ERCC6L2: variants seen among roughly 807,000 people sequenced by gnomAD.
The protein encoded by ERCC6L2 is ERCC excision repair 6 like 2.
Under a neutral mutation model 132.0 loss-of-function variants are expected in ERCC6L2, and 77 were observed. That is an observed-to-expected ratio of 0.58 (90% CI 0.49 to 0.71). The LOEUF (loss-of-function observed/expected upper bound fraction) is 0.71. Ranked by LOEUF, ERCC6L2 falls within the 30% of genes least tolerant of loss-of-function variation. ERCC6L2 has a pLI of 0.00. For synonymous variants in ERCC6L2, 583 were observed against 632.4 expected, an observed-to-expected ratio of 0.92 and a Z score of 1.17; for missense variants, 1,542 against 1,837.6, an observed-to-expected ratio of 0.84 and a Z score of 2.94.
At chr9:95,967,695 T>C (rs374238723) in intron 14 of ERCC6L2, 1 of 152,228 alleles carries the variant, frequency 6.6e-6, no homozygotes, top group African/African-American at 2.4e-5. Flanking sequence ...GCTGAGTTTC[T>C]ATTTTATAGT....
intron 16 of ERCC6L2, among the ~76,000 whole-genome samples, chr9:95,974,685 C>T (rs1418163228): frequency 6.6e-6 from 1 of 151,118 alleles, no homozygotes; most frequent in Non-Finnish European, 1.5e-5. Context: ...CTACTGTTGA[C>T]TTGGTTATTA....
In ERCC6L2 at chr9:95,972,578, G is replaced by C. The variant is rs1361230219; in HGVS notation, c.2827G>C (p.Asp943His). Residue 943 changes from aspartate (D) to histidine (H), a missense_variant, in exon 16 of 19, where the codon GAT (aspartate) becomes CAT (histidine). Physicochemically the swap from Asp to His is moderately conservative, Grantham distance 81. This residue lies in a region of ERCC6L2 where 945 missense variants were observed against 1,105.2 expected (regional missense o/e 0.86). Transcript: ENST00000653738. ...ACACACTGTAAAAACAAGAAATAAT[G>C]ATAATAGTCGAAACACTGATGACAA... ...TEHTVKTRNN[D>H]NSRNTDDKRN... 7.8e-7 allele frequency: 1 copy of C among 1,289,390 alleles called. No homozygotes were observed. Among genetic ancestry groups the C allele is most frequent in the African/African-American group, 1.5e-5 (1 of 65,788 alleles). The allele number at this position is 1,289,390 out of a possible 1,614,324, so 79.9% of individuals were successfully genotyped here.
intron 2 of ERCC6L2, among the ~76,000 whole-genome samples, chr9:95,887,885 A>G (rs56063686): frequency 0.03 from 4,616 of 152,286 alleles, 96 homozygotes; most frequent in East Asian, 0.13. Flanking sequence ...AGAAAATGCT[A>G]TAATATCCAG....
At chr9:96,037,592 G>A (rs1406051103) in intron 19 of ERCC6L2, among the ~76,000 whole-genome samples, 1 of 152,218 alleles carries the variant, frequency 6.6e-6, no homozygotes, top group East Asian at 1.9e-4. Flanking sequence ...ATACAGTCGG[G>A]GAGGGCATGG....
At chr9:95,958,208 AT>A (rs1831713000) in intron 13 of ERCC6L2, among the ~76,000 whole-genome samples, 1 of 151,930 alleles carries the variant, frequency 6.6e-6, no homozygotes, top group African/African-American at 2.4e-5. Context: ...TGAACTCATC[AT>A]TTTTTATGGC....
intron 17 of ERCC6L2, among the ~76,000 whole-genome samples, chr9:96,002,148 A>G (rs1201686069): frequency 6.6e-6 from 1 of 152,204 alleles, no homozygotes; most frequent in African/African-American, 2.4e-5. Context: ...AGCCTTGGCC[A>G]GCCCAGAAAG....
chr9:95,965,516 CTTTT>C (rs754040123), intron 13 of ERCC6L2, among the ~76,000 whole-genome samples: 5 of 151,930 alleles, frequency 3.3e-5, no homozygotes, highest in Non-Finnish European at 5.9e-5. Flanking sequence ...AAGCATTTCT[CTTTT>C]TTTGTTTTTT....
Position 95,928,705 on chromosome 9 carries a change from T to A in ERCC6L2, c.1606-14T>A. 2 of 1,588,584 alleles carry A rather than the reference T, an allele frequency of 1.3e-6. No homozygotes were observed. The highest frequency in any genetic ancestry group is 2.3e-5 in the South Asian group (2 of 86,030). On this transcript the variant is annotated splice_polypyrimidine_tract_variant and intron_variant, in intron 10 of 18. Coordinates refer to ENST00000653738, the MANE Select transcript of ERCC6L2 (RefSeq NM_020207.7). ...CAAGATTCATGTTTGCCCATCTTCATACCTCTCGTCTAGTTGCTTGACGTG... is the reference window on the plus strand; with the variant it reads ...CAAGATTCATGTTTGCCCATCTTCAAACCTCTCGTCTAGTTGCTTGACGTG...
At chr9:95,988,537 T>C (rs1833180091) in intron 17 of ERCC6L2, among the ~76,000 whole-genome samples, 1 of 152,262 alleles carries the variant, frequency 6.6e-6, no homozygotes, top group Non-Finnish European at 1.5e-5. Flanking sequence ...GGCTATTTTG[T>C]TGCAGATGAA....
downstream of ERCC6L2, chr9:96,021,887 G>C: frequency 6.6e-6 from 1 of 152,568 alleles, no homozygotes; most frequent in East Asian, 1.9e-4. The surrounding 1 kb of genome is among the most constrained non-coding windows in gnomAD (Gnocchi z 4.7). Flanking sequence ...AGGGGGTTCC[G>C]AGCGCAGCGG....
intron 19 of ERCC6L2, among the ~76,000 whole-genome samples, chr9:96,026,800 CAT>C (rs375343968): frequency 0.033 from 4,563 of 139,736 alleles, 102 homozygotes; most frequent in East Asian, 0.13. Context: ...ACCCCACACA[CAT>C]ACCACAACAC....
intron 18 of ERCC6L2, among the ~76,000 whole-genome samples, chr9:96,011,543 G>A (rs1322947491): frequency 6.6e-6 from 1 of 152,172 alleles, no homozygotes; most frequent in Non-Finnish European, 1.5e-5. Flanking sequence ...TCTTACCAAG[G>A]TTCTTGAAGG....
intron 17 of ERCC6L2, among the ~76,000 whole-genome samples, chr9:95,988,973 C>T (rs1833196118): frequency 6.6e-6 from 1 of 152,154 alleles, no homozygotes; most frequent in African/African-American, 2.4e-5. Flanking sequence ...GCCAGAGCAG[C>T]TCACAGAACT....
In ERCC6L2 at chr9:95,939,828, G is replaced by A. The variant is rs899594608; in HGVS notation, c.1752-1626G>A. On this transcript the variant is annotated intron_variant, in intron 11 of 18. Coordinates refer to ENST00000653738, the MANE Select transcript of ERCC6L2 (RefSeq NM_020207.7). ...TCTTATTCAGGCTGCAATTTTCCTG[G>A]TTCTTGGTATAAGTGATTTTTTATT... is the stretch of plus-strand genomic sequence containing the variant. 2.6e-5 allele frequency among the ~76,000 whole-genome samples: 4 copies of A among 152,174 alleles called. No homozygotes were observed. The East Asian group carries it at 5.8e-4, about 22-fold the overall frequency.
Position 95,956,001 on chromosome 9 carries a change from G to A in ERCC6L2, c.1935G>A (p.Gln645=). 1 of 1,586,862 alleles carries A rather than the reference G, an allele frequency of 6.3e-7. No individual in the cohort carries two copies. The highest frequency in any genetic ancestry group is 8.6e-7 in the Non-Finnish European group (1 of 1,164,846). ...GTVEEIMYLR[Q]IYKQQLHCVV... is the part of the protein sequence containing the mutation. ...TGGAGGAAATCATGTATTTACGACA[G>A]ATATACAAGCAGGTAAATATGTTTC... The change falls in exon 13 of 19, where the codon CAG becomes CAA. Residue 645 remains glutamine (Q), a synonymous_variant. Coordinates refer to ENST00000653738, the MANE Select transcript of ERCC6L2 (RefSeq NM_020207.7).
chr9:95,950,124 A>G (rs1831262986), intron 12 of ERCC6L2, among the ~76,000 whole-genome samples: 1 of 152,164 alleles, frequency 6.6e-6, no homozygotes, highest in African/African-American at 2.4e-5. Context: ...TAAGGTAAGT[A>G]TCATGGACAA....
At chr9:95,944,843 G>A (rs1830976286) in intron 12 of ERCC6L2, among the ~76,000 whole-genome samples, 1 of 152,134 alleles carries the variant, frequency 6.6e-6, no homozygotes, top group Admixed American at 6.6e-5. Context: ...ATTTTCAAAA[G>A]GGGAGGGAGT....
chr9:96,009,625 C>G (rs1833967039), intron 18 of ERCC6L2, among the ~76,000 whole-genome samples: 1 of 152,212 alleles, frequency 6.6e-6, no homozygotes, highest in Non-Finnish European at 1.5e-5. Context: ...GAAGTCTACT[C>G]TAGTTAACTA....
intron 3 of ERCC6L2, among the ~76,000 whole-genome samples, chr9:95,901,601 G>A (rs181317251): frequency 4.1e-4 from 63 of 152,274 alleles, no homozygotes; most frequent in African/African-American, 1.5e-3. Context: ...GGGAGGGCAG[G>A]GGGAGTTTTT....
Sources: gnomAD v4.1 joint callset for allele counts (sites outside exome capture counted in the v4.1 genomes callset) on GRCh38, gnomAD v4.1.1 for gene constraint, gnomAD v4.1.1 regional missense constraint, Gnocchi (gnomAD v3.1) non-coding constraint, MANE v1.5 for transcripts, NCBI Gene and HGNC (gene_info 2026-07-23, HGNC 2026-07-21) for gene names.